TRPM1: variants seen among roughly 807,000 people sequenced by gnomAD.
The protein encoded by TRPM1 is transient receptor potential cation channel subfamily M member 1.
In TRPM1, 113 loss-of-function variants were observed where a neutral mutation model predicts 149.4. The observed-to-expected ratio is 0.76, with a 90% CI of 0.65 to 0.88. The LOEUF (loss-of-function observed/expected upper bound fraction) is 0.88. Among genes scored for constraint, TRPM1 ranks in the 40% least tolerant of loss-of-function variants. The pLI is 0.00. For synonymous variants in TRPM1, 741 were observed against 759.5 expected, an observed-to-expected ratio of 0.98 and a Z score of 0.40; for missense variants, 1,976 against 2,038.7, an observed-to-expected ratio of 0.97 and a Z score of 0.59.
chr15:31,103,809 T>C (rs1490682463), upstream of TRPM1, among the ~76,000 whole-genome samples: 1 of 88,374 alleles, frequency 1.1e-5, no homozygotes, highest in African/African-American at 4.4e-5. Context: ...TGAGACTCTG[T>C]ATCCAAAAAA....
At chr15:31,043,496 C>A in intron 16 of TRPM1, among the ~76,000 whole-genome samples, 1 of 152,164 alleles carries the variant, frequency 6.6e-6, no homozygotes, top group South Asian at 2.1e-4. Flanking sequence ...CCGGCCACGA[C>A]TGACCCAATT....
At chr15:31,126,446 A>G (rs2035952622) in intron 1 of TRPM1, among the ~76,000 whole-genome samples, 1 of 152,104 alleles carries the variant, frequency 6.6e-6, no homozygotes, top group Admixed American at 6.5e-5. Flanking sequence ...CCAGTTTGGT[A>G]GATGTTCCCT....
chr15:31,038,290 C>A (rs1366123679), intron 18 of TRPM1, 124 bp from the exon 19 acceptor site: 8 of 1,113,670 alleles, frequency 7.2e-6, no homozygotes, highest in Non-Finnish European at 1.0e-5. Flanking sequence ...GAATGTTATC[C>A]CTGGTCTGAC....
intron 1 of TRPM1, among the ~76,000 whole-genome samples, chr15:31,126,716 C>A (rs1190422749): frequency 6.6e-6 from 1 of 152,142 alleles, no homozygotes; most frequent in Non-Finnish European, 1.5e-5. Flanking sequence ...GTAATCCCAG[C>A]ACTTTGGGAG....
Position 31,047,130 on chromosome 15 carries a change from T to C in TRPM1, c.1745A>G (p.Asn582Ser), listed in dbSNP as rs1025845866. 1.2e-6 allele frequency: 2 copies of C among 1,614,044 alleles called. No homozygotes were observed. The highest frequency in any genetic ancestry group is 8.5e-7 in the Non-Finnish European group (1 of 1,179,986). Reference protein sequence around the residue: ...TRKNFRTLYNNLFGPKRPKAL... With the variant: ...TRKNFRTLYNSLFGPKRPKAL... ...TTCTACCCTCTTTGGTCCAAACAAG[T>C]TGTTGTAAAGGGTCCGAAAGTTTTT... The change falls in exon 15 of 28, where the codon AAC becomes AGC. Residue 582 changes from asparagine (N) to serine (S), a missense_variant. Physicochemically the swap from Asn to Ser is conservative, Grantham distance 46. This residue lies in a region of TRPM1 where 1,332 missense variants were observed against 1,347.1 expected (regional missense o/e 0.99). Transcript: ENST00000256552.
At position 31,032,922 on chromosome 15, in the gene TRPM1, C is replaced by G. The variant is rs1184229533; in HGVS notation, c.2719G>C (p.Gly907Arg). ...KIREILMSEP[G>R]KLSQKIKVWL... ...ACTTTGATTTTCTGGCTGAGTTTGC[C>G]TGGTTCTGACATGAGGATCTGAAAA... Residue 907 changes from glycine (G) to arginine (R), a missense_variant, in exon 22 of 28, where the codon GGC (glycine) becomes CGC (arginine). This residue lies in a region of TRPM1 where 1,332 missense variants were observed against 1,347.1 expected (regional missense o/e 0.99). Coordinates refer to ENST00000256552, the MANE Select transcript of TRPM1 (RefSeq NM_001252024.2). 1 of 1,614,152 alleles carries G rather than the reference C, an allele frequency of 6.2e-7. No homozygotes were observed. The highest frequency in any genetic ancestry group is 1.7e-5 in the Admixed American group (1 of 60,022).
chr15:31,067,037 C>T, intron 6 of TRPM1, 26 bp downstream of exon 6: 1 of 1,614,120 alleles, frequency 6.2e-7, no homozygotes, highest in Non-Finnish European at 8.5e-7. Flanking sequence ...TAAAAAACTG[C>T]CAACATTTGC....
chr15:31,152,394 T>C (rs1009466397), intron 1 of TRPM1, among the ~76,000 whole-genome samples: 8 of 152,212 alleles, frequency 5.3e-5, no homozygotes, highest in Non-Finnish European at 1.5e-5. Context: ...CCCTGGAAGA[T>C]GCTCCTGTGG....
intron 1 of TRPM1, among the ~76,000 whole-genome samples, chr15:31,098,157 C>T (rs1408790075): frequency 3.9e-5 from 6 of 152,094 alleles, no homozygotes; most frequent in Admixed American, 6.5e-5. Context: ...CACATCAGGC[C>T]GGGCGTGGTG....
At chr15:31,124,146 G>A (rs548924717) in intron 1 of TRPM1, among the ~76,000 whole-genome samples, 7 of 152,150 alleles carry the variant, frequency 4.6e-5, no homozygotes, top group Non-Finnish European at 8.8e-5. Flanking sequence ...TTAGCTGGGC[G>A]TGGTGGTGCA....
intron 1 of TRPM1, among the ~76,000 whole-genome samples, chr15:31,107,870 T>A (rs1218109250): frequency 6.6e-6 from 1 of 151,864 alleles, no homozygotes; most frequent in Non-Finnish European, 1.5e-5. Context: ...TTTCTTTTTT[T>A]TTTTTGAGAC....
At chr15:31,153,660 C>T (rs916305387) in intron 1 of TRPM1, among the ~76,000 whole-genome samples, 1 of 152,144 alleles carries the variant, frequency 6.6e-6, no homozygotes, top group African/African-American at 2.4e-5. Flanking sequence ...TTCAACCAAT[C>T]GCCAGTCAGA....
intron 1 of TRPM1, among the ~76,000 whole-genome samples, chr15:31,144,730 T>C (rs1044223530): frequency 6.6e-5 from 10 of 151,220 alleles, no homozygotes; most frequent in Non-Finnish European, 1.3e-4. Flanking sequence ...TTTTTTTTTT[T>C]TTGAGACATA....
At chr15:31,084,817 C>T (rs1426377111) in intron 1 of TRPM1, among the ~76,000 whole-genome samples, 11 of 148,886 alleles carry the variant, frequency 7.4e-5, no homozygotes, top group Admixed American at 1.3e-4. Context: ...GAACTACAGG[C>T]GCCCGCCACC....
chr15:31,010,302 T>C (rs2032138548), intron 27 of TRPM1, among the ~76,000 whole-genome samples: 1 of 152,218 alleles, frequency 6.6e-6, no homozygotes, highest in African/African-American at 2.4e-5. Flanking sequence ...AGATCTGACC[T>C]ATGTGCGTGC....
In TRPM1 at chr15:31,141,874, T is replaced by A. The variant is rs150999043; in HGVS notation, c.54+19032A>T. On this transcript the variant is annotated intron_variant, in intron 1 of 26. Transcript: ENST00000542188. ...ATAGAAAATACCTTCTTTGCCCTAT[T>A]TATTCAAGGCCAGTGCCCTGAAGCC... Among the ~76,000 whole-genome samples, 484 of 152,284 alleles carry A rather than the reference T, an allele frequency of 3.2e-3. 2 individuals carry two copies. Among genetic ancestry groups the A allele is most frequent in the African/African-American group, 0.011 (466 of 41,558 alleles).
At position 31,123,819 on chromosome 15, in the gene TRPM1, G is replaced by A. The variant is rs190068847; in HGVS notation, c.54+37087C>T. Among the ~76,000 whole-genome samples the A allele has an allele frequency of 8.0e-3, 1,223 of 152,294 alleles. 19 individuals are homozygous for A. Among genetic ancestry groups the A allele is most frequent in the African/African-American group, 0.028 (1,167 of 41,556 alleles). ...AAACATAGTCTTATCTTATGATCCAGAAAATGGGCTCCTAGGCATTTACTC... is the reference window on the plus strand; with the variant it reads ...AAACATAGTCTTATCTTATGATCCAAAAAATGGGCTCCTAGGCATTTACTC... On this transcript the variant is annotated intron_variant, in intron 1 of 26. Coordinates refer to the TRPM1 transcript ENST00000542188.
chr15:31,039,958 T>G (rs2033555982), intron 18 of TRPM1, among the ~76,000 whole-genome samples, 160 bp downstream of exon 18: 1 of 152,162 alleles, frequency 6.6e-6, no homozygotes, highest in Admixed American at 6.5e-5. Flanking sequence ...TCTCAAAGCT[T>G]CAGATTCCTC....
intron 1 of TRPM1, among the ~76,000 whole-genome samples, chr15:31,133,408 A>C (rs1596093396): frequency 1.8e-5 from 2 of 112,020 alleles, no homozygotes; most frequent in South Asian, 6.7e-4. Context: ...TCTCTACCAA[A>C]AGTAAAAAAA....
Sources: gnomAD v4.1 joint callset for allele counts (sites outside exome capture counted in the v4.1 genomes callset) on GRCh38, gnomAD v4.1.1 for gene constraint, gnomAD v4.1.1 regional missense constraint, MANE v1.5 for transcripts, NCBI Gene and HGNC (gene_info 2026-07-23, HGNC 2026-07-21) for gene names.